The following ESRP2 variants were observed in gnomAD, a reference collection of about 807,000 sequenced individuals.
The protein encoded by ESRP2 is RNA binding motif protein 35A.
ESRP2 carries 48 observed loss-of-function variants against 78.6 expected under a neutral mutation model. The ratio of observed to expected loss-of-function variants is 0.61; its 90% CI spans 0.48 to 0.78. The LOEUF (loss-of-function observed/expected upper bound fraction) is 0.78. Among genes scored for constraint, ESRP2 ranks in the 30% least tolerant of loss-of-function variants. The probability of loss-of-function intolerance (pLI) is 0.00; values close to 1 mark genes in which losing one functional copy is unlikely to be tolerated. For synonymous variants in ESRP2, 383 were observed against 406.7 expected (o/e 0.94, Z 0.70); for missense variants, 863 against 965.9 (o/e 0.89, Z 1.41).
chr16:68,230,247 G>A lies in ESRP2; in HGVS notation c.2133C>T (p.Pro711=), dbSNP rs1315198750. ...GDPPRTVLQA[P]KEWVCL ...TCTCCTACAAACACACCCATTCCTT[G>A]GGGGCTTGTAACACAGTGCGAGGTG... The change falls in exon 15 of 15, where the codon CCC becomes CCT. Residue 711 remains proline, a synonymous_variant. Transcript: ENST00000473183. 3.1e-6 allele frequency: 5 copies of A among 1,614,018 alleles called. No individual in the cohort carries two copies. In the East Asian group the frequency reaches 1.1e-4, roughly 36 times the overall value.
At chr16:68,234,182 G>T in intron 2 of ESRP2, 75 bp from the exon 3 acceptor site, 1 of 1,170,114 alleles carries the variant, frequency 8.5e-7, no homozygotes. Context: ...GTAGGAGGAA[G>T]GAGGCAGGCT....
In ESRP2 at chr16:68,235,518, C is replaced by T; in HGVS notation, c.327+116G>A. 1 of 1,479,448 alleles carries T rather than the reference C, an allele frequency of 6.8e-7. No homozygotes were observed. The highest frequency in any genetic ancestry group is 2.4e-4 in the Middle Eastern group (1 of 4,084). The allele number at this position is 1,479,448 out of a possible 1,614,324, so 91.6% of individuals were successfully genotyped here. A position where few individuals can be genotyped will look rare whatever the true frequency, so the allele number is the denominator to read the frequency against. On this transcript the variant is annotated intron_variant, in intron 2 of 14. Transcript: ENST00000473183. This position sits in a 1 kb window ranked among gnomAD's most constrained non-coding sequence, Gnocchi z 5.5. ...TCGCTCAAAGTTTCAAACAAGAGCC[C>T]AGTCCTGCCGCCTGGACCGGTTGGT...
rs775916225 is a variant in ESRP2, at chr16:68,232,434, G to A, written c.891C>T (p.Asp297=). The part of the protein sequence containing the change: ...RNGEALIRFV[D]SEQRDLALQR... The stretch of plus-strand genomic sequence containing the variant: ...GCAGCGCTAGGTCCCGCTGCTCGCT[G>A]TCCACAAAGCGGATGAGGGCCTCGC... The change falls in exon 8 of 15, where the codon GAC becomes GAT. Residue 297 remains aspartate, a synonymous_variant. Transcript: ENST00000473183. The surrounding 1 kb of genome is among the most constrained non-coding windows in gnomAD (Gnocchi z 5.2). The A allele has an allele frequency of 3.3e-5, 54 of 1,614,038 alleles. No individual in the cohort carries two copies. Among genetic ancestry groups the A allele is most frequent in the Non-Finnish European group, 4.1e-5 (48 of 1,180,038 alleles).
Position 68,235,513 on chromosome 16 carries a change from G to C in ESRP2, c.327+121C>G. 1.4e-6 allele frequency: 2 copies of C among 1,467,902 alleles called. No homozygotes were observed. The highest frequency in any genetic ancestry group is 1.8e-6 in the Non-Finnish European group (2 of 1,117,038). 90.9% of individuals were successfully genotyped at this position (1,467,902 alleles called of 1,614,324 possible). ...GAGAGTCGCTCAAAGTTTCAAACAA[G>C]AGCCCAGTCCTGCCGCCTGGACCGG... On this transcript the variant is annotated intron_variant, in intron 2 of 14. Transcript: ENST00000473183. The surrounding 1 kb of genome is among the most constrained non-coding windows in gnomAD (Gnocchi z 5.5).
chr16:68,232,268 C>G lies in ESRP2; in HGVS notation c.975G>C (p.Glu325Asp). 4 of 1,614,208 alleles carry G rather than the reference C, an allele frequency of 2.5e-6. No homozygotes were observed. Among genetic ancestry groups the G allele is most frequent in the Non-Finnish European group, 3.4e-6 (4 of 1,180,028 alleles). ...RYIEVYKATG[E>D]EFVKIAGGTS... ...CACCCCCTGCAATCTTTACAAACTC[C>G]TCCCCTGTCGCTTTATACACCTGTG... Residue 325 changes from glutamate to aspartate, a missense_variant, in exon 9 of 15, where the codon GAG becomes GAC. Coordinates refer to ENST00000473183, the MANE Select transcript of ESRP2 (RefSeq NM_024939.3). The surrounding 1 kb of genome is among the most constrained non-coding windows in gnomAD (Gnocchi z 5.2).
chr16:68,233,493 A>T (rs545131708), intron 4 of ESRP2, 68 bp from the exon 5 acceptor site: 1 of 1,198,822 alleles, frequency 8.3e-7, no homozygotes, highest in Non-Finnish European at 1.2e-6. Flanking sequence ...TCCTGGGCCC[A>T]ACTCCCCTCC....
Position 68,231,938 on chromosome 16 carries a change from T to C in ESRP2, c.1163A>G (p.Asp388Gly). 1.2e-6 allele frequency: 2 copies of C among 1,614,004 alleles called. No individual in the cohort carries two copies. Among genetic ancestry groups the C allele is most frequent in the Non-Finnish European group, 1.7e-6 (2 of 1,180,008 alleles). Residue 388 changes from aspartate to glycine, a missense_variant, in exon 10 of 15, where the codon GAT (aspartate) becomes GGT (glycine). Transcript: ENST00000473183. The surrounding 1 kb of genome is among the most constrained non-coding windows in gnomAD (Gnocchi z 6.0). ...GAAGGCATCACCAGTCGGCCGGCCATCAGGATGGCGCACAAAGAGCAGCCC... is the reference window on the plus strand; with the variant it reads ...GAAGGCATCACCAGTCGGCCGGCCACCAGGATGGCGCACAAAGAGCAGCCC... ...TEGLLFVRHPDGRPTGDAFAL... is the reference protein window; with the variant it reads ...TEGLLFVRHPGGRPTGDAFAL...
At chr16:68,234,258 G>T in intron 2 of ESRP2, 151 bp from the exon 3 acceptor site, 2 of 629,990 alleles carry the variant, frequency 3.2e-6, no homozygotes, top group Non-Finnish European at 5.5e-6. Context: ...CGCCTGTTGA[G>T]CCTAGCCCTA....
chr16:68,232,765 GCCCCGTCTC>G lies in ESRP2; in HGVS notation c.697_705del (p.Glu233_Gly235del). 2 of 1,614,232 alleles carry G rather than the reference GCCCCGTCTC, an allele frequency of 1.2e-6. No homozygotes were observed. The highest frequency in any genetic ancestry group is 1.7e-6 in the Non-Finnish European group (2 of 1,180,046). ...AGCCCCTGCTCCCACACTCACCAAG[GCCCCGTCTC>G]GTATTTCTGCTTTATCACCTCGGGC... On this transcript the variant is annotated inframe_deletion, in exon 6 of 15. Transcript: ENST00000473183. The surrounding 1 kb of genome is among the most constrained non-coding windows in gnomAD (Gnocchi z 5.2).
rs1436266756 is a variant in ESRP2 at position 68,231,806 on chromosome 16, T to C, written c.1295A>G (p.Gln432Arg). The C allele has an allele frequency of 6.2e-7, 1 of 1,607,426 alleles. No individual in the cohort carries two copies. The highest frequency in any genetic ancestry group is 8.5e-7 in the Non-Finnish European group (1 of 1,174,566). ...ELFRSTAAEV[Q>R]QVLNRYASGP... The stretch of plus-strand genomic sequence containing the variant: ...TGGGGAGCCCTGGGCGCTCACCTGC[T>C]GCACTTCGGCTGCAGTGCTCCGGAA... Residue 432 changes from glutamine (Q) to arginine (R), a missense_variant, in exon 10 of 15, where the codon CAG (glutamine) becomes CGG (arginine). Physicochemically the swap from Gln to Arg is conservative, Grantham distance 43 (BLOSUM62 1). Transcript: ENST00000473183. The surrounding 1 kb of genome is among the most constrained non-coding windows in gnomAD (Gnocchi z 6.0).
At position 68,230,486 on chromosome 16, in the gene ESRP2, G is replaced by A; in HGVS notation, c.1967C>T (p.Thr656Ile). Residue 656 changes from threonine to isoleucine, a missense_variant, in exon 14 of 15, where the codon ACC becomes ATC. Transcript: ENST00000473183. ...TPTAALASAP[T>I]SVLSQSGALV... ...GGCTCCTGACTGGGACAACACTGAG[G>A]TGGGAGCAGAGGCCAGGGCAGCAGT... The A allele has an allele frequency of 1.9e-6, 3 of 1,611,608 alleles. No individual in the cohort carries two copies. Among genetic ancestry groups the A allele is most frequent in the South Asian group, 2.2e-5 (2 of 90,646 alleles).
At position 68,235,816 on chromosome 16, in the gene ESRP2, C is replaced by T. The variant is rs778069898; in HGVS notation, c.198+32G>A. 20 of 1,610,702 alleles carry T rather than the reference C, an allele frequency of 1.2e-5. No homozygotes were observed. The highest frequency in any genetic ancestry group is 1.7e-5 in the Non-Finnish European group (20 of 1,179,024). ...CGCGCCCCTCGACCCCGGAAGCTCCCTGGGGACCTCACCGCCTCTTTTCCA... is the reference window on the plus strand; with the variant it reads ...CGCGCCCCTCGACCCCGGAAGCTCCTTGGGGACCTCACCGCCTCTTTTCCA... On this transcript the variant is annotated intron_variant, in intron 1 of 14. Coordinates refer to ENST00000473183, the MANE Select transcript of ESRP2 (RefSeq NM_024939.3). This position sits in a 1 kb window ranked among gnomAD's most constrained non-coding sequence, Gnocchi z 5.5.
Position 68,231,850 on chromosome 16 carries a change from A to T in ESRP2, c.1251T>A (p.Gly417=). The T allele has an allele frequency of 6.2e-7, 1 of 1,613,798 alleles. No homozygotes were observed. Residue 417 remains glycine (G), a synonymous_variant, in exon 10 of 15, where the codon GGT becomes GGA. Coordinates refer to ENST00000473183, the MANE Select transcript of ESRP2 (RefSeq NM_024939.3). The surrounding 1 kb of genome is among the most constrained non-coding windows in gnomAD (Gnocchi z 6.0). ...TCCGGAAGAGTTCAATGTATCGCTT[A>T]CCCAGCATGCCCTTGTGCCTGCGCA... The part of the protein sequence containing the change: ...AALRRHKGML[G]KRYIELFRST...
At position 68,230,424 on chromosome 16, in the gene ESRP2, T is replaced by A. The variant is rs1272478216; in HGVS notation, c.2029A>T (p.Met677Leu). 1 of 1,613,432 alleles carries A rather than the reference T, an allele frequency of 6.2e-7. No homozygotes were observed. Residue 677 changes from methionine (M) to leucine (L), a missense_variant, in exon 14 of 15, where the codon ATG becomes TTG. Physicochemically the swap from Met to Leu is conservative, Grantham distance 15. Coordinates refer to ENST00000473183, the MANE Select transcript of ESRP2 (RefSeq NM_024939.3). The part of the protein sequence containing the change: ...RMQGVPYTAG[M>L]KDLLSVFQAY... ...TGGAAGACGCTGAGCAGATCCTTCA[T>A]ACCAGCCGTGTATGGGACACCCTGC...
In ESRP2 at chr16:68,229,937, C is replaced by T. The variant is rs2042103762; in HGVS notation, c.*289G>A. On this transcript the variant is annotated 3_prime_UTR_variant, in exon 15 of 15. Coordinates refer to ENST00000473183, the MANE Select transcript of ESRP2 (RefSeq NM_024939.3). ...CTGTCGGCATGGGCCACAGCCAGGA[C>T]AGACTTAAGGGCTCTCCAGGTGCCA... 2.1e-6 allele frequency: 1 copy of T among 467,782 alleles called. No individual in the cohort carries two copies. The allele number at this position is 467,782 out of a possible 1,614,324, so 29.0% of individuals were successfully genotyped here.
In ESRP2 at chr16:68,233,339, T is replaced by G; in HGVS notation, c.643A>C (p.Lys215Gln). The G allele has an allele frequency of 6.2e-7, 1 of 1,613,646 alleles. No homozygotes were observed. Among genetic ancestry groups the G allele is most frequent in the South Asian group, 1.1e-5 (1 of 91,074 alleles). Residue 215 changes from lysine to glutamine, a missense_variant, in exon 5 of 15, where the codon AAA (lysine) becomes CAA (glutamine). Coordinates refer to ENST00000473183, the MANE Select transcript of ESRP2 (RefSeq NM_024939.3). The stretch of plus-strand genomic sequence containing the variant: ...AGGGAAACCTTACTGCTGGGCTCTT[T>G]GAGTAGATGGAGGATAACAGCTACC... The part of the protein sequence containing the change: ...TMVAVILHLL[K>Q]EPSSQLFSKP...
At chr16:68,233,260 A>G in intron 5 of ESRP2, 67 bp downstream of exon 5, 1 of 1,079,504 alleles carries the variant, frequency 9.3e-7, no homozygotes. Context: ...AGAAGGTCAC[A>G]GTGGGGAGGA....
chr16:68,229,656 A>G lies in ESRP2; in HGVS notation c.*570T>C, dbSNP rs1189955449. ...TGTTACTCCTTATGCCCACCTGGAG[A>G]GGGGCTAGCATCTTTAGGTGGGACC... On this transcript the variant is annotated 3_prime_UTR_variant, in exon 15 of 15. Coordinates refer to ENST00000473183, the MANE Select transcript of ESRP2 (RefSeq NM_024939.3). The G allele has an allele frequency of 6.5e-6, 1 of 154,580 alleles. No homozygotes were observed. Among genetic ancestry groups the G allele is most frequent in the Non-Finnish European group, 1.4e-5 (1 of 69,584 alleles). The allele number at this position is 154,580 out of a possible 1,614,324, so 9.6% of individuals were successfully genotyped here. A position where few individuals can be genotyped will look rare whatever the true frequency, so the allele number is the denominator to read the frequency against.
chr16:68,231,041 TAG>T lies in ESRP2; in HGVS notation c.1712-16_1712-15del, dbSNP rs1160555997. On this transcript the variant is annotated splice_polypyrimidine_tract_variant and intron_variant, in intron 12 of 14. Transcript: ENST00000473183. This position sits in a 1 kb window ranked among gnomAD's most constrained non-coding sequence, Gnocchi z 6.0. ...GTGGTGAGAGGCCTAGAGACGGAAGTAGAAAGTGCATGTGCACGGAGCCCAGC... is the reference window on the plus strand; with the variant it reads ...GTGGTGAGAGGCCTAGAGACGGAAGTAAAGTGCATGTGCACGGAGCCCAGC... 6.3e-6 allele frequency: 10 copies of T among 1,588,202 alleles called. No individual in the cohort carries two copies. The African/African-American group carries it at 1.3e-4, about 21-fold the overall frequency.
Sources: gnomAD v4.1 joint callset for allele counts on GRCh38, gnomAD v4.1.1 for gene constraint, Gnocchi (gnomAD v3.1) non-coding constraint, MANE v1.5 for transcripts, NCBI Gene and HGNC (gene_info 2026-07-23, HGNC 2026-07-21) for gene names.